RAD21L1: variants seen among roughly 807,000 people sequenced by gnomAD.
The protein encoded by RAD21L1 is double-strand-break repair protein rad21-like protein 1.
Under a neutral mutation model 69.0 loss-of-function variants are expected in RAD21L1, and 47 were observed. The ratio of observed to expected loss-of-function variants is 0.68; its 90% confidence interval spans 0.54 to 0.87. RAD21L1 has a LOEUF of 0.87. Ranked by LOEUF, RAD21L1 falls within the 40% of genes least tolerant of loss-of-function variation. The pLI is 0.00. For missense variants in RAD21L1, 583 were observed against 647.6 expected (o/e 0.90, Z 1.08); for synonymous variants, 177 against 205.8 (o/e 0.86, Z 1.20).
Position 1,228,411 on chromosome 20 carries a change from G to T in RAD21L1, c.-32-11G>T. ...AATAAAATTTTAAATTTCTTTTCGT[G>T]TTCTCTCTAGTTTGTTAAATACAAG... is the stretch of plus-strand genomic sequence containing the variant. On this transcript the variant is annotated splice_polypyrimidine_tract_variant and intron_variant, in intron 1 of 13. Transcript: ENST00000683101. 1 of 1,354,238 alleles carries T rather than the reference G, an allele frequency of 7.4e-7. No individual in the cohort carries two copies. Among genetic ancestry groups the T allele is most frequent in the Non-Finnish European group, 9.6e-7 (1 of 1,040,286 alleles). The allele number at this position is 1,354,238 out of a possible 1,614,324, so 83.9% of individuals were successfully genotyped here. A position where few individuals can be genotyped will look rare whatever the true frequency, so the allele number is the denominator to read the frequency against.
chr20:1,228,397 A>G, intron 1 of RAD21L1, 25 bp from the exon 2 acceptor site: 2 of 1,283,290 alleles, frequency 1.6e-6, no homozygotes, highest in Non-Finnish European at 2.0e-6. Context: ...ATAAAATTTT[A>G]AATTTCTTTT....
At chr20:1,240,100 G>A (rs1036120326) in intron 7 of RAD21L1, among the ~76,000 whole-genome samples, 1 of 152,152 alleles carries the variant, frequency 6.6e-6, no homozygotes, top group African/African-American at 2.4e-5. Flanking sequence ...TGTGCAAAAG[G>A]GGATGATGAT....
At chr20:1,235,147 A>G (rs1175221793) in intron 5 of RAD21L1, among the ~76,000 whole-genome samples, 1 of 152,064 alleles carries the variant, frequency 6.6e-6, no homozygotes, top group Non-Finnish European at 1.5e-5. Flanking sequence ...ATATTTATAC[A>G]CCTCTTGTCT....
intron 12 of RAD21L1, among the ~76,000 whole-genome samples, chr20:1,248,045 C>CAA (rs71327497): frequency 0.097 from 6,961 of 71,546 alleles, 326 homozygotes; most frequent in African/African-American, 0.13. Flanking sequence ...CCTTAAATAC[C>CAA]AAAAAAAAAA....
rs536441180 is a variant in RAD21L1, at chr20:1,254,856, A to G, written c.*399A>G. Among the ~76,000 whole-genome samples, 1 of 152,312 alleles carries G rather than the reference A, an allele frequency of 6.6e-6. No individual in the cohort carries two copies. The highest frequency in any genetic ancestry group is 2.1e-4 in the South Asian group (1 of 4,824). On this transcript the variant is annotated 3_prime_UTR_variant, in exon 14 of 14. Transcript: ENST00000683101. ...TTTAACTTAGCTGATTTGAATATAT[A>G]GCATTTATCATTTCCCTGATTTGAA... is the stretch of plus-strand genomic sequence containing the variant.
At position 1,234,207 on chromosome 20, in the gene RAD21L1, A is replaced by G; in HGVS notation, c.475+16A>G. 2.6e-6 allele frequency: 3 copies of G among 1,146,202 alleles called. No homozygotes were observed. Among genetic ancestry groups the G allele is most frequent in the Non-Finnish European group, 3.8e-6 (3 of 785,426 alleles). The allele number at this position is 1,146,202 out of a possible 1,614,324, so 71.0% of individuals were successfully genotyped here. A position where few individuals can be genotyped will look rare whatever the true frequency, so the allele number is the denominator to read the frequency against. Reference sequence around the variant, plus strand: ...GAGAGCTTTGGTGAGAATATTTGAGAACTCAAAATTACAAATTATAATCAA... The same window carrying G: ...GAGAGCTTTGGTGAGAATATTTGAGGACTCAAAATTACAAATTATAATCAA... On this transcript the variant is annotated intron_variant, in intron 5 of 13. Coordinates refer to ENST00000683101, the MANE Select transcript of RAD21L1 (RefSeq NM_001384355.1).
At chr20:1,249,291 C>G (rs1163579068) in intron 13 of RAD21L1, among the ~76,000 whole-genome samples, 3 of 152,026 alleles carry the variant, frequency 2.0e-5, no homozygotes, top group African/African-American at 7.2e-5. Context: ...TGACAGAAAA[C>G]AAAAGTTTAA....
chr20:1,231,667 GT>G, intron 4 of RAD21L1, 48 bp downstream of exon 4: 1 of 960,146 alleles, frequency 1.0e-6, no homozygotes, highest in Non-Finnish European at 1.6e-6. Flanking sequence ...CTTGATATTT[GT>G]TTTTATATTC....
Position 1,246,409 on chromosome 20 carries a change from T to C in RAD21L1, c.1401+104T>C. Reference sequence around the variant, plus strand: ...GGCTTTTATAGCTGTCATGTTACTTTCTAAATTTATAATTTAAATTTGTGA... The same window carrying C: ...GGCTTTTATAGCTGTCATGTTACTTCCTAAATTTATAATTTAAATTTGTGA... On this transcript the variant is annotated intron_variant, in intron 12 of 13. Coordinates refer to ENST00000683101, the MANE Select transcript of RAD21L1 (RefSeq NM_001384355.1). This position sits in a 1 kb window ranked among gnomAD's most constrained non-coding sequence, Gnocchi z 4.6. 2.2e-6 allele frequency: 1 copy of C among 449,592 alleles called. No homozygotes were observed. The highest frequency in any genetic ancestry group is 3.6e-5 in the East Asian group (1 of 27,724). The allele number at this position is 449,592 out of a possible 1,614,324, so 27.9% of individuals were successfully genotyped here.
intron 10 of RAD21L1, among the ~76,000 whole-genome samples, chr20:1,243,628 C>G (rs1470949891): frequency 1.3e-5 from 2 of 152,142 alleles, no homozygotes; most frequent in African/African-American, 2.4e-5. Context: ...CCAAAAGGCA[C>G]ATGGAGTATT....
rs1600213252 is a variant in RAD21L1, at chr20:1,228,541, G to C, written c.88G>C (p.Ala30Pro). The change falls in exon 2 of 14, where the codon GCC (alanine) becomes CCC (proline). Residue 30 changes from alanine (A) to proline (P), a missense_variant. Transcript: ENST00000683101. ...TCACTGGGAGAAGAAACTCACAAAG[G>C]CCCATGTATTTGAATGTAATCTAGA... ...AAHWEKKLTK[A>P]HVFECNLEIT... The C allele has an allele frequency of 6.5e-7, 1 of 1,550,144 alleles. No homozygotes were observed. Among genetic ancestry groups the C allele is most frequent in the African/African-American group, 1.4e-5 (1 of 73,068 alleles).
intron 11 of RAD21L1, among the ~76,000 whole-genome samples, chr20:1,244,803 T>C (rs1217488661): frequency 6.6e-6 from 1 of 152,208 alleles, no homozygotes; most frequent in African/African-American, 2.4e-5. Context: ...CCAGTGTTTT[T>C]ATGGTCTGTT....
intron 5 of RAD21L1, among the ~76,000 whole-genome samples, chr20:1,236,894 G>C (rs1308550533): frequency 6.6e-6 from 1 of 152,202 alleles, no homozygotes; most frequent in East Asian, 1.9e-4. Flanking sequence ...TCAATGCTGA[G>C]AATATAGTGT....
At position 1,238,062 on chromosome 20, in the gene RAD21L1, T is replaced by C; in HGVS notation, c.494T>C (p.Leu165Pro). 6.6e-7 allele frequency: 1 copy of C among 1,514,368 alleles called. No homozygotes were observed. Among genetic ancestry groups the C allele is most frequent in the Non-Finnish European group, 8.9e-7 (1 of 1,121,256 alleles). 93.8% of individuals were successfully genotyped at this position (1,514,368 alleles called of 1,614,324 possible). The change falls in exon 6 of 14, where the codon CTC becomes CCC. Residue 165 changes from leucine to proline, a missense_variant. By Grantham distance (98) the Leu-to-Pro change is moderately conservative (BLOSUM62 -3). Transcript: ENST00000683101. ...AESFGEESEI[L>P]RRHSFFDDNI... is the part of the protein sequence containing the mutation. ...TATTTAGGGGAGGAATCTGAAATTC[T>C]CAGAAGACATAGCTTCTTTGATGAC...
chr20:1,244,450 T>G (rs1355273250), intron 11 of RAD21L1, among the ~76,000 whole-genome samples: 1 of 152,176 alleles, frequency 6.6e-6, no homozygotes, highest in South Asian at 2.1e-4. Context: ...AACCTAGTTA[T>G]ATGCTGAGAA....
Position 1,254,285 on chromosome 20 carries a change from G to T in RAD21L1, c.1496G>T (p.Gly499Val). 1 of 1,521,074 alleles carries T rather than the reference G, an allele frequency of 6.6e-7. No individual in the cohort carries two copies. Among genetic ancestry groups the T allele is most frequent in the Admixed American group, 2.1e-5 (1 of 47,512 alleles). 94.2% of individuals were successfully genotyped at this position (1,521,074 alleles called of 1,614,324 possible). Reference protein sequence around the residue: ...LNRLRESNKMGMQSFSLMKLC... With the variant: ...LNRLRESNKMVMQSFSLMKLC... ...TTTTCCCAGGAATCTAACAAGATGG[G>T]AATGCAGTCCTTTAGTCTGATGAAG... Residue 499 changes from glycine to valine, a missense_variant, in exon 14 of 14, where the codon GGA becomes GTA. Gly to Val is a moderately radical substitution (Grantham distance 109). Transcript: ENST00000683101.
intron 5 of RAD21L1, among the ~76,000 whole-genome samples, chr20:1,237,487 G>A (rs917763983): frequency 2.0e-5 from 3 of 149,262 alleles, no homozygotes; most frequent in Non-Finnish European, 3.0e-5. Context: ...ATAAACACTC[G>A]GTTACTGTTA....
intron 5 of RAD21L1, among the ~76,000 whole-genome samples, 182 bp downstream of exon 5, chr20:1,234,373 A>T (rs1021682042): frequency 4.6e-5 from 7 of 152,268 alleles, no homozygotes; most frequent in Middle Eastern, 6.8e-3. Context: ...CAGTCTTAGG[A>T]TATACTTCTA....
At chr20:1,235,837 G>A (rs539584041) in intron 5 of RAD21L1, among the ~76,000 whole-genome samples, 4 of 151,776 alleles carry the variant, frequency 2.6e-5, no homozygotes, top group African/African-American at 9.7e-5. Context: ...GCACGATCTC[G>A]GCTCACTGCA....
Sources: allele counts gnomAD v4.1 joint callset (sites outside exome capture counted in the v4.1 genomes callset), GRCh38; gene constraint gnomAD v4.1.1; non-coding constraint Gnocchi (gnomAD v3.1); transcripts MANE v1.5; gene names NCBI Gene and HGNC (gene_info 2026-07-23, HGNC 2026-07-21).